Variants in ARID2 observed in about 807,000 individuals in gnomAD.
ARID2 encodes the protein AT-rich interaction domain 2.
In ARID2, 32 loss-of-function variants were observed where a neutral mutation model predicts 184.6. The ratio of observed to expected loss-of-function variants is 0.17; its 90% confidence interval spans 0.13 to 0.23. The LOEUF (loss-of-function observed/expected upper bound fraction) is 0.23. ARID2 is among the 10% of genes least tolerant of loss of function. The pLI, the probability that ARID2 is intolerant of heterozygous loss-of-function variation, is 1.00. For missense variants in ARID2, 1,696 were observed against 2,197.6 expected (o/e 0.77, Z 4.56); for synonymous variants, 836 against 772.6 (o/e 1.08, Z -1.36).
chr12:45,781,550 C>T (rs1942090557), intron 3 of ARID2, among the ~76,000 whole-genome samples: 1 of 150,950 alleles, frequency 6.6e-6, no homozygotes, highest in Non-Finnish European at 1.5e-5. Context: ...ATATTTTCGC[C>T]AAGTTGAGGA....
At chr12:45,734,508 T>C (rs1372389652) in intron 3 of ARID2, among the ~76,000 whole-genome samples, 4 of 152,064 alleles carry the variant, frequency 2.6e-5, no homozygotes, top group Non-Finnish European at 4.4e-5. Flanking sequence ...ATTATTAGGA[T>C]ATTCCTATAG....
At chr12:45,796,445 T>C (rs1168064176) in intron 3 of ARID2, among the ~76,000 whole-genome samples, 1 of 152,206 alleles carries the variant, frequency 6.6e-6, no homozygotes, top group East Asian at 1.9e-4. Flanking sequence ...TTTGAAACTA[T>C]ATGTCATCTA....
In ARID2 at chr12:45,852,031, G is replaced by T. The variant is rs556661357; in HGVS notation, c.3908G>T (p.Ser1303Ile). Reference protein sequence around the residue: ...LLNGRKYSDSSLPPSNSGKIQ... With the variant: ...LLNGRKYSDSILPPSNSGKIQ... Reference sequence around the variant, plus strand: ...AATGGGAGAAAGTACAGTGACTCAAGTCTACCTCCTTCAAACTCAGGGAAA... The same window carrying T: ...AATGGGAGAAAGTACAGTGACTCAATTCTACCTCCTTCAAACTCAGGGAAA... The change falls in exon 15 of 21, where the codon AGT (serine) becomes ATT (isoleucine). Residue 1303 changes from serine to isoleucine, a missense_variant. Ser to Ile is a moderately radical substitution (Grantham distance 142, BLOSUM62 -2). Around this residue, in one of 11 missense-constraint regions of ARID2, gnomAD observed 428 missense variants for 409.1 expected, o/e 1.05. Transcript: ENST00000334344. 1 of 1,614,120 alleles carries T rather than the reference G, an allele frequency of 6.2e-7. No homozygotes were observed. Among genetic ancestry groups the T allele is most frequent in the South Asian group, 1.1e-5 (1 of 91,088 alleles).
intron 3 of ARID2, among the ~76,000 whole-genome samples, chr12:45,782,235 C>T (rs985364766): frequency 2.0e-5 from 3 of 151,706 alleles, no homozygotes; most frequent in Non-Finnish European, 4.4e-5. Flanking sequence ...GTAGAAAACA[C>T]AAATATACAA....
In ARID2 at chr12:45,834,546, C is replaced by T. The variant is rs929132626; in HGVS notation, c.706-2043C>T. 3.3e-5 allele frequency among the ~76,000 whole-genome samples: 5 copies of T among 152,246 alleles called. No individual in the cohort carries two copies. In the South Asian group the frequency reaches 1.0e-3, roughly 32 times the overall value. ...TCACCTGAGGTTAGGACTTCACGAC[C>T]AGCCTGACCAACATGGTGAAACCCC... On this transcript the variant is annotated intron_variant, in intron 6 of 20. Transcript: ENST00000334344.
chr12:45,735,436 T>C (rs943829597), intron 3 of ARID2, among the ~76,000 whole-genome samples: 2 of 142,998 alleles, frequency 1.4e-5, no homozygotes, highest in Non-Finnish European at 3.2e-5. Context: ...TGTGTGTGTG[T>C]GTGTGTGTGT....
At chr12:45,881,957 A>G in intron 16 of ARID2, 1 of 190,356 alleles carries the variant, frequency 5.3e-6, no homozygotes, top group South Asian at 1.1e-4. Flanking sequence ...CCTGCTGAGG[A>G]ACTCCAAGTG....
At chr12:45,783,068 A>G (rs931929470) in intron 3 of ARID2, among the ~76,000 whole-genome samples, 1 of 152,062 alleles carries the variant, frequency 6.6e-6, no homozygotes, top group African/African-American at 2.4e-5. Context: ...TGGGAGGCAG[A>G]GGTTGCAGTG....
chr12:45,811,852 A>C (rs1041676872), intron 4 of ARID2, among the ~76,000 whole-genome samples: 3 of 152,212 alleles, frequency 2.0e-5, no homozygotes, highest in African/African-American at 7.2e-5. Context: ...AAGAAGAGGA[A>C]GATCCTGTTA....
chr12:45,740,132 G>A (rs1592046902), intron 3 of ARID2, among the ~76,000 whole-genome samples: 1 of 152,140 alleles, frequency 6.6e-6, no homozygotes, highest in South Asian at 2.1e-4. Context: ...CCATTAAAGA[G>A]TCAAACTTTT....
intron 16 of ARID2, chr12:45,874,056 G>C (rs1412838610): frequency 6.6e-6 from 1 of 152,260 alleles, no homozygotes; most frequent in Non-Finnish European, 1.5e-5. Flanking sequence ...GTGCATTCCT[G>C]TACTCCCAGC....
chr12:45,777,931 C>G (rs375256987), intron 3 of ARID2, among the ~76,000 whole-genome samples: 1 of 151,866 alleles, frequency 6.6e-6, no homozygotes, highest in African/African-American at 2.4e-5. Flanking sequence ...ACCGGCCAGG[C>G]CCAGTGGCTC....
chr12:45,808,598 A>G (rs1254106464), intron 3 of ARID2, among the ~76,000 whole-genome samples: 1 of 152,102 alleles, frequency 6.6e-6, no homozygotes, highest in East Asian at 1.9e-4. Context: ...TTATGAGTAT[A>G]TAGTGTTGTC....
At chr12:45,736,699 T>G (rs1941132437) in intron 3 of ARID2, among the ~76,000 whole-genome samples, 1 of 152,138 alleles carries the variant, frequency 6.6e-6, no homozygotes, top group South Asian at 2.1e-4. Flanking sequence ...CCAACTAGAG[T>G]TTGTACTCTA....
chr12:45,842,384 A>T (rs1217941261), intron 11 of ARID2: 1 of 151,658 alleles, frequency 6.6e-6, no homozygotes, highest in Non-Finnish European at 1.5e-5. Context: ...TATAAAACAC[A>T]CATACATATA....
At chr12:45,804,489 C>CGTGTGTGT (rs141399769) in intron 3 of ARID2, among the ~76,000 whole-genome samples, 2 of 146,500 alleles carry the variant, frequency 1.4e-5, no homozygotes, top group African/African-American at 5.0e-5. Context: ...CGTGTGTGTG[C>CGTGTGTGT]GTGTGTGTGT....
chr12:45,811,246 G>A (rs546701612), intron 3 of ARID2, among the ~76,000 whole-genome samples, 172 bp from the exon 4 acceptor site: 1 of 151,678 alleles, frequency 6.6e-6, no homozygotes, highest in Non-Finnish European at 1.5e-5. Flanking sequence ...GAGTTTATCT[G>A]CGGTTTATCT....
rs190993646 is a variant in ARID2 at position 45,842,425 on chromosome 12, G to T, written c.1498+2929G>T. Among the ~76,000 whole-genome samples the T allele has an allele frequency of 2.0e-4, 30 of 150,866 alleles. No homozygotes were observed. The East Asian group carries it at 5.3e-3, about 27-fold the overall frequency. On this transcript the variant is annotated intron_variant, in intron 11 of 20. Coordinates refer to ENST00000334344, the MANE Select transcript of ARID2 (RefSeq NM_152641.4). ...TCATTACAGGTTTTATTAATAAATG[G>T]TACATCAAATAGTAAATACATTGTA...
chr12:45,811,414 T>C lies in ARID2; in HGVS notation c.285-4T>C. On this transcript the variant is annotated splice_region_variant and splice_polypyrimidine_tract_variant and intron_variant, in intron 3 of 20. Transcript: ENST00000334344. ...ATGTTTGCTGTGCTGTTTTTCTGTTTCAGTTACCTAGAAAAGTACGAGAAA... is the reference window on the plus strand; with the variant it reads ...ATGTTTGCTGTGCTGTTTTTCTGTTCCAGTTACCTAGAAAAGTACGAGAAA... The C allele has an allele frequency of 6.2e-7, 1 of 1,608,916 alleles. No individual in the cohort carries two copies. The highest frequency in any genetic ancestry group is 8.5e-7 in the Non-Finnish European group (1 of 1,177,128).
Sources: gnomAD v4.1 joint callset for allele counts (sites outside exome capture counted in the v4.1 genomes callset) on GRCh38, gnomAD v4.1.1 for gene constraint, gnomAD v4.1.1 regional missense constraint, MANE v1.5 for transcripts, NCBI Gene and HGNC (gene_info 2026-07-23, HGNC 2026-07-21) for gene names.